CCDC85A: variants seen among roughly 807,000 people sequenced by gnomAD.
CCDC85A encodes the protein coiled-coil domain containing 85A.
CCDC85A carries 38 observed loss-of-function variants against 50.2 expected under a neutral mutation model. The ratio of observed to expected loss-of-function variants is 0.76; its 90% CI spans 0.58 to 0.99. The LOEUF is 0.99. Ranked by LOEUF, CCDC85A falls within the 50% of genes least tolerant of loss-of-function variation. The pLI, the probability that CCDC85A is intolerant of heterozygous loss-of-function variation, is 0.00. For synonymous variants in CCDC85A, 366 were observed against 301.4 expected (o/e 1.21, Z -2.22); for missense variants, 820 against 742.0 (o/e 1.11, Z -1.22).
At chr2:56,295,365 C>T (rs1228384947) in intron 2 of CCDC85A, among the ~76,000 whole-genome samples, 1 of 152,112 alleles carries the variant, frequency 6.6e-6, no homozygotes, top group East Asian at 1.9e-4. Context: ...ATTGACTAAG[C>T]CATGATCTTC....
intron 2 of CCDC85A, among the ~76,000 whole-genome samples, chr2:56,220,883 A>T (rs1668296174): frequency 6.6e-6 from 1 of 152,062 alleles, no homozygotes; most frequent in Non-Finnish European, 1.5e-5. Context: ...AGGAAAAAGT[A>T]TGCAGGTGGT....
intron 2 of CCDC85A, among the ~76,000 whole-genome samples, chr2:56,300,564 A>C (rs1410914748): frequency 6.6e-6 from 1 of 152,194 alleles, no homozygotes; most frequent in Non-Finnish European, 1.5e-5. Flanking sequence ...AGATGCAAGA[A>C]AAACATAGGA....
At chr2:56,241,390 C>T (rs1365628471) in intron 2 of CCDC85A, among the ~76,000 whole-genome samples, 7 of 151,854 alleles carry the variant, frequency 4.6e-5, no homozygotes, top group East Asian at 1.9e-4. Context: ...CTGTAGTTGC[C>T]GCGTTGTGCT....
chr2:56,363,811 G>A (rs1675655700), intron 3 of CCDC85A, among the ~76,000 whole-genome samples: 1 of 152,132 alleles, frequency 6.6e-6, no homozygotes, highest in South Asian at 2.1e-4. Context: ...ATGTTAATTA[G>A]CATTACTTCT....
At chr2:56,235,156 A>T (rs1668950245) in intron 2 of CCDC85A, 1 of 152,158 alleles carries the variant, frequency 6.6e-6, no homozygotes, top group South Asian at 2.1e-4. Flanking sequence ...GAAGCTAAAT[A>T]CTTATCCCTA....
rs1367608270 is a variant in CCDC85A, at chr2:56,375,917, T to C, written c.1554T>C (p.Pro518=). ...GHATPSQQPE[P]VVHSLKVVWR... ...CCACACCTTCCCAGCAGCCTGAACC[T>C]GTGGTACATTCTCTTAAGGTAACCA... is the stretch of plus-strand genomic sequence containing the variant. Residue 518 remains proline (P), a synonymous_variant, in exon 5 of 6, where the codon CCT becomes CCC. Transcript: ENST00000407595. 1.2e-6 allele frequency: 2 copies of C among 1,613,664 alleles called. No individual in the cohort carries two copies. Among genetic ancestry groups the C allele is most frequent in the Non-Finnish European group, 1.7e-6 (2 of 1,179,732 alleles).
intron 2 of CCDC85A, among the ~76,000 whole-genome samples, chr2:56,292,391 A>G (rs1671754689): frequency 6.6e-6 from 1 of 152,094 alleles, no homozygotes; most frequent in Admixed American, 6.6e-5. Context: ...CCTGAGTTGC[A>G]GTATAATTTT....
chr2:56,230,989 T>C (rs1469463922), intron 2 of CCDC85A, among the ~76,000 whole-genome samples: 1 of 152,208 alleles, frequency 6.6e-6, no homozygotes, highest in East Asian at 1.9e-4. Flanking sequence ...GCTGTGCTTG[T>C]ATGTTTCTTA....
rs145501419 is a variant in CCDC85A at position 56,231,726 on chromosome 2, G to A, written c.1240+38286G>A. ...AACCCTAATATTTGATGCTGCATGTGTTAGTGTACATTATTATTGTAGGAA... is the reference window on the plus strand; with the variant it reads ...AACCCTAATATTTGATGCTGCATGTATTAGTGTACATTATTATTGTAGGAA... On this transcript the variant is annotated intron_variant, in intron 2 of 5. Coordinates refer to ENST00000407595, the MANE Select transcript of CCDC85A (RefSeq NM_001080433.2). Among the ~76,000 whole-genome samples the A allele has an allele frequency of 3.7e-4, 56 of 152,224 alleles. 1 individual carries two copies. The highest frequency in any genetic ancestry group is 1.2e-3 in the African/African-American group (48 of 41,528).
At chr2:56,244,604 C>T (rs1345279612) in intron 2 of CCDC85A, among the ~76,000 whole-genome samples, 1 of 151,538 alleles carries the variant, frequency 6.6e-6, no homozygotes, top group Non-Finnish European at 1.5e-5. Flanking sequence ...ACAGTCTCCT[C>T]TGTTTTTCCC....
At chr2:56,327,805 A>G (rs190314939) in intron 2 of CCDC85A, among the ~76,000 whole-genome samples, 11 of 146,806 alleles carry the variant, frequency 7.5e-5, no homozygotes, top group African/African-American at 2.8e-4. Context: ...AATATTCAGT[A>G]ATTACTGGGG....
intron 2 of CCDC85A, among the ~76,000 whole-genome samples, chr2:56,292,427 C>T (rs918233908): frequency 2.0e-5 from 3 of 152,166 alleles, no homozygotes; most frequent in Admixed American, 2.0e-4. Flanking sequence ...TACACATTTT[C>T]TCCTATTTCC....
At chr2:56,320,215 C>T (rs1271448232) in intron 2 of CCDC85A, among the ~76,000 whole-genome samples, 5 of 151,924 alleles carry the variant, frequency 3.3e-5, no homozygotes, top group South Asian at 2.1e-4. Context: ...ACCCTAACAT[C>T]GCAATTAAAA....
At chr2:56,342,796 G>T in intron 2 of CCDC85A, 83 bp from the exon 3 acceptor site, 1 of 825,856 alleles carries the variant, frequency 1.2e-6, no homozygotes, top group Non-Finnish European at 1.9e-6. Context: ...TGTCTGATTT[G>T]AATAAATCAA....
intron 2 of CCDC85A, among the ~76,000 whole-genome samples, chr2:56,196,631 TGGA>T (rs1676531224): frequency 6.6e-6 from 1 of 152,188 alleles, no homozygotes; most frequent in Non-Finnish European, 1.5e-5. Context: ...GCTCAGGTCA[TGGA>T]TGTCTTGGAT....
At chr2:56,250,953 C>G (rs189970440) in intron 2 of CCDC85A, among the ~76,000 whole-genome samples, 1 of 152,070 alleles carries the variant, frequency 6.6e-6, no homozygotes, top group African/African-American at 2.4e-5. Context: ...GTCTTTCATT[C>G]GAGTCCCTTT....
In CCDC85A at chr2:56,192,850, G is replaced by GCAGCACTGA. The variant is rs776075360; in HGVS notation, c.655_663dup (p.Thr219_Ser221dup). ...GACGGCAGCAGCACCTCCAGCACTG[G>GCAGCACTGA]CAGCACTGACAGCCCGGACCACCAC... is the stretch of plus-strand genomic sequence containing the variant. On this transcript the variant is annotated inframe_insertion, in exon 2 of 6. Transcript: ENST00000407595. This position sits in a 1 kb window ranked among gnomAD's most constrained non-coding sequence, Gnocchi z 4.7. The GCAGCACTGA allele has an allele frequency of 6.2e-7, 1 of 1,613,328 alleles. No homozygotes were observed. Among genetic ancestry groups the GCAGCACTGA allele is most frequent in the Admixed American group, 1.7e-5 (1 of 60,004 alleles).
intron 2 of CCDC85A, among the ~76,000 whole-genome samples, chr2:56,200,096 G>A (rs545253848): frequency 1.9e-4 from 29 of 152,196 alleles, no homozygotes; most frequent in Non-Finnish European, 2.2e-4. Flanking sequence ...CTCCATCTCC[G>A]GACCTGCTGA....
chr2:56,249,287 T>G (rs568552887), intron 2 of CCDC85A, among the ~76,000 whole-genome samples: 21 of 152,362 alleles, frequency 1.4e-4, no homozygotes, highest in Admixed American at 1.2e-3. Flanking sequence ...GACCACAGAC[T>G]GCATTTGGGA....
Sources: gnomAD v4.1 joint callset for allele counts (sites outside exome capture counted in the v4.1 genomes callset) on GRCh38, gnomAD v4.1.1 for gene constraint, Gnocchi (gnomAD v3.1) non-coding constraint, MANE v1.5 for transcripts, NCBI Gene and HGNC (gene_info 2026-07-23, HGNC 2026-07-21) for gene names.